Variants in BLTP1 observed in about 807,000 individuals in gnomAD.
The protein encoded by BLTP1 is bridge-like lipid transfer protein family member 1.
the BLTP1 span, chr4:122,299,002 A>C: frequency 1.0e-6 from 1 of 985,448 alleles, no homozygotes; most frequent in Non-Finnish European, 1.2e-6. Context: ...CAGGTGCTTT[A>C]TACTTGCGTT....
the BLTP1 span, chr4:122,189,006 C>G: frequency 2.0e-6 from 2 of 984,818 alleles, no homozygotes; most frequent in African/African-American, 1.7e-5. Context: ...AGATCATGGA[C>G]TTGGTTAAGA....
At chr4:122,254,392 T>G in the BLTP1 span, 1 of 1,459,694 alleles carries the variant, frequency 6.9e-7, no homozygotes, top group Non-Finnish European at 9.5e-7. Context: ...TGTTTCTTTA[T>G]TTTAAATAGT....
the BLTP1 span, chr4:122,276,888 G>A: frequency 1.1e-4 from 111 of 984,972 alleles, no homozygotes; most frequent in East Asian, 5.0e-3. Flanking sequence ...TGGGCTTTGC[G>A]TTTATCCTAA....
chr4:122,312,087 G>A, the BLTP1 span, among the ~76,000 whole-genome samples: 1 of 152,160 alleles, frequency 6.6e-6, no homozygotes, highest in Non-Finnish European at 1.5e-5. Context: ...CTAGGCTGGA[G>A]TGCAGTGGTG....
chr4:122,200,794 GA>G, the BLTP1 span: 1 of 874,000 alleles, frequency 1.1e-6, no homozygotes, highest in Non-Finnish European at 1.4e-6. Context: ...AAAGTTTTTT[GA>G]CCACATCTTG....
At chr4:122,338,099 T>G in the BLTP1 span, among the ~76,000 whole-genome samples, 105 of 152,040 alleles carry the variant, frequency 6.9e-4, no homozygotes, top group African/African-American at 2.4e-3. Flanking sequence ...TCCAGAATTT[T>G]TAGCTAGCTT....
At chr4:122,194,468 T>A in the BLTP1 span, 1 of 770,754 alleles carries the variant, frequency 1.3e-6, no homozygotes, top group Non-Finnish European at 1.6e-6. Context: ...AATTTTCCTA[T>A]AAGTCATGCT....
chr4:122,345,235 AAAT>A, the BLTP1 span, among the ~76,000 whole-genome samples: 1 of 152,156 alleles, frequency 6.6e-6, no homozygotes, highest in Non-Finnish European at 1.5e-5. Flanking sequence ...ATGTGTAGAC[AAAT>A]AAATGAGTCC....
At chr4:122,271,675 C>A in the BLTP1 span, 1 of 1,597,080 alleles carries the variant, frequency 6.3e-7, no homozygotes, top group Non-Finnish European at 8.6e-7. Context: ...CACTTATCTC[C>A]GATCCAACAG....
chr4:122,261,646 T>C, the BLTP1 span: 1 of 984,858 alleles, frequency 1.0e-6, no homozygotes, highest in South Asian at 4.7e-5. Context: ...GATAATTTAG[T>C]GTTAAGAATT....
the BLTP1 span, chr4:122,318,313 T>A: frequency 6.5e-7 from 1 of 1,544,372 alleles, no homozygotes; most frequent in Non-Finnish European, 8.9e-7. Flanking sequence ...CAAAACCACC[T>A]GACTTTTTCC....
At chr4:122,349,787 GA>G in the BLTP1 span, 1 of 1,572,018 alleles carries the variant, frequency 6.4e-7, no homozygotes, top group Non-Finnish European at 8.6e-7. This position sits in a 1 kb window ranked among gnomAD's most constrained non-coding sequence, Gnocchi z 4.5. Flanking sequence ...GGCGGGGGAA[GA>G]AAATGTTTCT....
chr4:122,354,153 C>A, the BLTP1 span: 4 of 744,312 alleles, frequency 5.4e-6, no homozygotes, highest in Non-Finnish European at 8.7e-6. Flanking sequence ...CTGGCTGACA[C>A]AAGTAATAAT....
At chr4:122,237,011 T>C in the BLTP1 span, 1 of 985,202 alleles carries the variant, frequency 1.0e-6, no homozygotes, top group African/African-American at 1.7e-5. Flanking sequence ...GAGCACTATG[T>C]TCCTGTATCA....
the BLTP1 span, chr4:122,271,985 C>A: frequency 2.6e-6 from 1 of 382,760 alleles, no homozygotes; most frequent in Non-Finnish European, 3.6e-6. Context: ...CTACTATTCA[C>A]TTTCAGTAGG....
At chr4:122,241,312 G>A in the BLTP1 span, among the ~76,000 whole-genome samples, 1 of 152,190 alleles carries the variant, frequency 6.6e-6, no homozygotes, top group Non-Finnish European at 1.5e-5. Context: ...AGACTTGCTC[G>A]TAATGAGGCT....
chr4:122,249,131 T>C, the BLTP1 span: 32 of 804,732 alleles, frequency 4.0e-5, no homozygotes, highest in Middle Eastern at 6.3e-4. Flanking sequence ...TCCTAAGGCT[T>C]GGTAATTAAT....
the BLTP1 span, chr4:122,209,123 A>G: frequency 6.4e-7 from 1 of 1,560,382 alleles, no homozygotes; most frequent in East Asian, 2.3e-5. Context: ...TTATGCACTA[A>G]TTTTATTACT....
the BLTP1 span, chr4:122,298,953 G>A: frequency 1.0e-6 from 1 of 985,308 alleles, no homozygotes; most frequent in Non-Finnish European, 1.2e-6. Context: ...GTGTGTTGGA[G>A]AAATGACAGA....
Sources: gnomAD v4.1 joint callset for allele counts (sites outside exome capture counted in the v4.1 genomes callset) on GRCh38, gnomAD v4.1.1 for gene constraint, Gnocchi (gnomAD v3.1) non-coding constraint, MANE v1.5 for transcripts, NCBI Gene and HGNC (gene_info 2026-07-23, HGNC 2026-07-21) for gene names.